Variants in SCFD2 observed in about 807,000 individuals in gnomAD.
The protein encoded by SCFD2 is sec1 family domain-containing protein 2.
Under a neutral mutation model 58.9 loss-of-function variants are expected in SCFD2, and 54 were observed. The observed-to-expected ratio is 0.92, with a 90% CI of 0.74 to 1.15. The LOEUF (loss-of-function observed/expected upper bound fraction) is 1.15. SCFD2 is among the 50% of genes most tolerant of loss of function. The pLI is 0.00. For missense variants in SCFD2, 805 were observed against 836.6 expected (o/e 0.96, Z 0.47); for synonymous variants, 321 against 335.9 (o/e 0.96, Z 0.49).
At chr4:53,016,545 A>T (rs886560545) in intron 5 of SCFD2, among the ~76,000 whole-genome samples, 1 of 152,162 alleles carries the variant, frequency 6.6e-6, no homozygotes, top group Non-Finnish European at 1.5e-5. Flanking sequence ...CAAAACTCCA[A>T]TGCTTCAAGA....
chr4:53,054,645 T>G (rs75011094), intron 5 of SCFD2, among the ~76,000 whole-genome samples: 1,849 of 137,660 alleles, frequency 0.013, 42 homozygotes, highest in African/African-American at 0.051. Flanking sequence ...AAAAAAAGAG[T>G]TTTTTTTTTG....
intron 5 of SCFD2, among the ~76,000 whole-genome samples, chr4:53,091,473 G>A (rs1213848742): frequency 2.0e-5 from 3 of 152,008 alleles, no homozygotes; most frequent in Admixed American, 6.6e-5. Context: ...AATCATTTGA[G>A]TATATATTGT....
At chr4:52,931,280 C>G (rs1719987904) in intron 5 of SCFD2, among the ~76,000 whole-genome samples, 1 of 152,214 alleles carries the variant, frequency 6.6e-6, no homozygotes, top group African/African-American at 2.4e-5. Context: ...GCTGGACTCT[C>G]AGAGCTGACT....
intron 1 of SCFD2, among the ~76,000 whole-genome samples, chr4:53,355,726 G>A (rs1166470375): frequency 3.3e-5 from 5 of 152,058 alleles, no homozygotes; most frequent in African/African-American, 9.6e-5. Context: ...ATCTCCTATC[G>A]GTGTTCCCTC....
rs566647713 is a variant in SCFD2 at position 53,262,935 on chromosome 4, T to G, written c.1311+10891A>C. ...ACATAGTCCCAAGCTTCCTGGAGGC[T>G]TTGTTCATTTTTTAAAATTATTTTT... On this transcript the variant is annotated intron_variant, in intron 4 of 8. Transcript: ENST00000401642. Among the ~76,000 whole-genome samples, 422 of 152,268 alleles carry G rather than the reference T, an allele frequency of 2.8e-3. 1 individual carries two copies. The highest frequency in any genetic ancestry group is 9.2e-3 in the African/African-American group (383 of 41,566).
intron 2 of SCFD2, 105 bp downstream of exon 2, chr4:53,352,493 C>G: frequency 1.1e-5 from 10 of 934,054 alleles, no homozygotes; most frequent in South Asian, 7.3e-5. Flanking sequence ...AAATTTTCAA[C>G]CAGACCAATT....
At chr4:53,039,183 C>T (rs1284246399) in intron 5 of SCFD2, among the ~76,000 whole-genome samples, 1 of 152,238 alleles carries the variant, frequency 6.6e-6, no homozygotes, top group East Asian at 1.9e-4. Context: ...TTCAGTCTTC[C>T]TTTATGGGAA....
intron 4 of SCFD2, among the ~76,000 whole-genome samples, chr4:53,258,573 T>TAC (rs1299026078): frequency 7.4e-5 from 10 of 134,428 alleles, no homozygotes; most frequent in African/African-American, 3.0e-4. Flanking sequence ...TATATATATA[T>TAC]ATATACACAC....
At chr4:52,886,072 C>A (rs1371155231) in intron 7 of SCFD2, among the ~76,000 whole-genome samples, 1 of 152,172 alleles carries the variant, frequency 6.6e-6, no homozygotes, top group East Asian at 1.9e-4. Flanking sequence ...CCGGGTAAAT[C>A]CATGGACCGG....
intron 2 of SCFD2, among the ~76,000 whole-genome samples, chr4:53,323,613 C>T (rs1290284039): frequency 6.8e-6 from 1 of 147,446 alleles, no homozygotes; most frequent in Non-Finnish European, 1.5e-5. Context: ...TAACTAGGCT[C>T]AAGCCATCCT....
chr4:53,301,149 A>G (rs1237758530), intron 3 of SCFD2, among the ~76,000 whole-genome samples: 10 of 151,604 alleles, frequency 6.6e-5, no homozygotes, highest in African/African-American at 2.2e-4. Flanking sequence ...CAAAAAATCA[A>G]TAAATCCAGG....
chr4:53,114,204 C>T (rs1328332794), intron 5 of SCFD2, among the ~76,000 whole-genome samples: 1 of 152,126 alleles, frequency 6.6e-6, no homozygotes, highest in Non-Finnish European at 1.5e-5. Flanking sequence ...TTGGCACATA[C>T]TAAGCACTAT....
intron 3 of SCFD2, among the ~76,000 whole-genome samples, chr4:53,309,297 CTT>C (rs1732614396): frequency 6.6e-6 from 1 of 152,142 alleles, no homozygotes; most frequent in African/African-American, 2.4e-5. Flanking sequence ...AAAGGCTTGT[CTT>C]TTCCCAAATG....
chr4:52,942,205 A>G (rs1223426876), intron 5 of SCFD2, among the ~76,000 whole-genome samples: 1 of 152,210 alleles, frequency 6.6e-6, no homozygotes, highest in African/African-American at 2.4e-5. Flanking sequence ...GTTGTCAAAG[A>G]AAAAGGAAAA....
Position 53,034,512 on chromosome 4 carries a change from T to C in SCFD2, c.1561+110821A>G, listed in dbSNP as rs577700936. Among the ~76,000 whole-genome samples the C allele has an allele frequency of 3.3e-5, 5 of 152,250 alleles. No individual in the cohort carries two copies. In the South Asian group the frequency reaches 6.2e-4, roughly 19 times the overall value. On this transcript the variant is annotated intron_variant, in intron 5 of 8. Coordinates refer to ENST00000401642, the MANE Select transcript of SCFD2 (RefSeq NM_152540.4). ...GAGAATGAAATAAAGAGTATTCAAA[T>C]AGGAAGAGAGGAAGTCAAATTGTCT...
intron 5 of SCFD2, among the ~76,000 whole-genome samples, chr4:52,975,881 G>C (rs1721245924): frequency 6.6e-6 from 1 of 152,036 alleles, no homozygotes; most frequent in Non-Finnish European, 1.5e-5. Context: ...TAGGGACACG[G>C]ATGAAGCTGG....
At chr4:52,963,984 G>T (rs1560495350) in intron 5 of SCFD2, among the ~76,000 whole-genome samples, 1 of 152,146 alleles carries the variant, frequency 6.6e-6, no homozygotes, top group Non-Finnish European at 1.5e-5. Context: ...TCATACATTT[G>T]TCCTTGCCAA....
chr4:53,301,254 A>C (rs562829394), intron 3 of SCFD2, among the ~76,000 whole-genome samples: 1 of 152,352 alleles, frequency 6.6e-6, no homozygotes, highest in East Asian at 1.9e-4. Flanking sequence ...GCAATAAAAA[A>C]TGACAAAGGG....
At chr4:52,880,980 A>G (rs138935173) in intron 8 of SCFD2, among the ~76,000 whole-genome samples, 1 of 152,344 alleles carries the variant, frequency 6.6e-6, no homozygotes, top group Admixed American at 6.5e-5. Flanking sequence ...AGAAACCTGG[A>G]ATCTCCCACT....
Sources: gnomAD v4.1 joint callset for allele counts (sites outside exome capture counted in the v4.1 genomes callset) on GRCh38, gnomAD v4.1.1 for gene constraint, MANE v1.5 for transcripts, NCBI Gene and HGNC (gene_info 2026-07-23, HGNC 2026-07-21) for gene names.